Variants in MARCHF1 observed in about 807,000 individuals in gnomAD.
The protein encoded by MARCHF1 is membrane associated ring-CH-type finger 1, also known as E3 ubiquitin-protein ligase MARCHF1.
MARCHF1 carries 40 observed loss-of-function variants against 54.2 expected under a neutral mutation model. That is an observed-to-expected ratio of 0.74 (90% CI 0.57 to 0.96). The LOEUF (loss-of-function observed/expected upper bound fraction) is 0.96, where lower values mean the gene tolerates loss of function less well. MARCHF1 is among the 40% of genes least tolerant of loss of function. MARCHF1 has a pLI of 0.00. For synonymous variants in MARCHF1, 236 were observed against 236.3 expected, an observed-to-expected ratio of 1.00 and a Z score of 0.01; for missense variants, 586 against 656.5, an observed-to-expected ratio of 0.89 and a Z score of 1.17.
intron 3 of MARCHF1, among the ~76,000 whole-genome samples, chr4:163,942,683 C>T (rs925926661): frequency 6.6e-6 from 1 of 152,102 alleles, no homozygotes; most frequent in African/African-American, 2.4e-5. Flanking sequence ...TATGGCCCTG[C>T]ACACAAAATG....
intron 4 of MARCHF1, among the ~76,000 whole-genome samples, chr4:163,823,704 A>C (rs2111062798): frequency 6.6e-6 from 1 of 152,006 alleles, no homozygotes; most frequent in African/African-American, 2.4e-5. Flanking sequence ...AAGCATAAAC[A>C]TTTACAAAGT....
chr4:164,242,360 AG>A (rs1388784300), intron 1 of MARCHF1, among the ~76,000 whole-genome samples: 2 of 147,280 alleles, frequency 1.4e-5, no homozygotes, highest in Non-Finnish European at 3.0e-5. Flanking sequence ...AACCCCCAGC[AG>A]GGGCACACTG....
chr4:164,185,325 T>G (rs1397275783), intron 1 of MARCHF1, among the ~76,000 whole-genome samples: 2 of 152,236 alleles, frequency 1.3e-5, no homozygotes, highest in Admixed American at 1.3e-4. Context: ...ATGGTTATTT[T>G]TGATTGAATT....
intron 2 of MARCHF1, among the ~76,000 whole-genome samples, chr4:164,068,664 G>T (rs545053768): frequency 3.9e-5 from 6 of 152,254 alleles, no homozygotes; most frequent in East Asian, 1.9e-4. Context: ...TGCGCAGACT[G>T]AGCCTCCCTG....
chr4:164,255,769 A>G (rs1733263696), intron 1 of MARCHF1, among the ~76,000 whole-genome samples: 1 of 152,180 alleles, frequency 6.6e-6, no homozygotes, highest in Non-Finnish European at 1.5e-5. Context: ...AGAAAAAGTG[A>G]TATAATTTCA....
chr4:164,008,454 G>A (rs1218386572), intron 2 of MARCHF1, among the ~76,000 whole-genome samples: 1 of 151,894 alleles, frequency 6.6e-6, no homozygotes, highest in East Asian at 1.9e-4. Context: ...GAAAAACAAT[G>A]GGATAAAACC....
At chr4:163,717,005 T>C (rs1745281823) in intron 4 of MARCHF1, among the ~76,000 whole-genome samples, 1 of 152,172 alleles carries the variant, frequency 6.6e-6, no homozygotes. Context: ...ACTTATTTAT[T>C]TTTATTATAC....
chr4:164,114,229 T>C (rs967266423), intron 1 of MARCHF1, among the ~76,000 whole-genome samples: 1 of 152,030 alleles, frequency 6.6e-6, no homozygotes, highest in Non-Finnish European at 1.5e-5. Flanking sequence ...TCTATTGTTA[T>C]ATGTATGTAT....
intron 2 of MARCHF1, among the ~76,000 whole-genome samples, chr4:164,057,372 C>T (rs1024482258): frequency 1.3e-5 from 2 of 152,158 alleles, no homozygotes; most frequent in African/African-American, 2.4e-5. Flanking sequence ...ATTTCTTCCT[C>T]TTATTCTTGG....
chr4:163,635,531 A>G (rs989003844), intron 5 of MARCHF1, among the ~76,000 whole-genome samples: 9 of 144,748 alleles, frequency 6.2e-5, no homozygotes, highest in Non-Finnish European at 1.2e-4. Context: ...ATACTCTCCC[A>G]AGACTAAACC....
chr4:164,049,321 C>T (rs774918719), intron 2 of MARCHF1, among the ~76,000 whole-genome samples: 2 of 152,226 alleles, frequency 1.3e-5, no homozygotes, highest in Non-Finnish European at 2.9e-5. Flanking sequence ...AATCACCTCC[C>T]ACCCACCAGG....
At chr4:164,338,713 C>G (rs1169047216) in intron 1 of MARCHF1, among the ~76,000 whole-genome samples, 1 of 152,170 alleles carries the variant, frequency 6.6e-6, no homozygotes, top group Non-Finnish European at 1.5e-5. Flanking sequence ...TGGCTCATGC[C>G]TGTAATCCCA....
At chr4:164,211,630 C>A (rs1293583281) in intron 1 of MARCHF1, among the ~76,000 whole-genome samples, 1 of 151,898 alleles carries the variant, frequency 6.6e-6, no homozygotes, top group African/African-American at 2.4e-5. Flanking sequence ...ATCCTGGGTA[C>A]TAGAACTGTA....
chr4:163,899,886 T>C (rs1035619449), intron 3 of MARCHF1, among the ~76,000 whole-genome samples: 4 of 133,842 alleles, frequency 3.0e-5, no homozygotes, highest in Non-Finnish European at 6.8e-5. Flanking sequence ...TTTTCTTTTT[T>C]TCTTTTTTTA....
intron 5 of MARCHF1, among the ~76,000 whole-genome samples, chr4:163,629,082 C>A (rs190606501): frequency 3.3e-5 from 5 of 152,066 alleles, no homozygotes; most frequent in Non-Finnish European, 4.4e-5. Context: ...AAAAAAGAAC[C>A]CATATAGACA....
At chr4:164,205,105 T>C (rs557858277) in intron 1 of MARCHF1, among the ~76,000 whole-genome samples, 2 of 152,292 alleles carry the variant, frequency 1.3e-5, no homozygotes, top group South Asian at 4.1e-4. Flanking sequence ...CTACTATTCT[T>C]ATTTTAATCC....
At chr4:163,566,093 C>A (rs75272696) in intron 8 of MARCHF1, among the ~76,000 whole-genome samples, 1,538 of 152,152 alleles carry the variant, frequency 0.01, 29 homozygotes, top group African/African-American at 0.035. Flanking sequence ...ATTTTGATAC[C>A]CTGCTTCTAA....
At chr4:163,637,783 C>A (rs1455846633) in intron 5 of MARCHF1, among the ~76,000 whole-genome samples, 2 of 152,000 alleles carry the variant, frequency 1.3e-5, no homozygotes, top group Admixed American at 1.3e-4. Context: ...GCTATAAAGA[C>A]ACATGCACAC....
At chr4:164,266,278 T>C (rs535229857) in intron 1 of MARCHF1, among the ~76,000 whole-genome samples, 13 of 152,298 alleles carry the variant, frequency 8.5e-5, no homozygotes, top group Non-Finnish European at 1.3e-4. Context: ...GATTCTTCTT[T>C]AGAAAACTTG....
Sources: gnomAD v4.1 joint callset for allele counts (sites outside exome capture counted in the v4.1 genomes callset) on GRCh38, gnomAD v4.1.1 for gene constraint, MANE v1.5 for transcripts, NCBI Gene and HGNC (gene_info 2026-07-23, HGNC 2026-07-21) for gene names.